ELMO2: variants seen among roughly 807,000 people sequenced by gnomAD.
ELMO2 encodes engulfment and cell motility 2.
In ELMO2, 37 loss-of-function variants were observed where a neutral mutation model predicts 96.2. The ratio of observed to expected loss-of-function variants is 0.38; its 90% confidence interval spans 0.30 to 0.51. The LOEUF (loss-of-function observed/expected upper bound fraction) is 0.51. ELMO2 is among the 20% of genes least tolerant of loss of function. ELMO2 has a pLI of 0.88. For synonymous variants in ELMO2, 315 were observed against 329.4 expected (o/e 0.96, Z 0.47); for missense variants, 561 against 912.6 (o/e 0.61, Z 4.96).
intron 1 of ELMO2, among the ~76,000 whole-genome samples, chr20:46,403,324 C>G (rs563028461): frequency 6.6e-6 from 1 of 152,188 alleles, no homozygotes; most frequent in African/African-American, 2.4e-5. Flanking sequence ...ATGATCAGTT[C>G]CAAAGCAGCA....
At chr20:46,391,728 A>G (rs2060153437) in intron 6 of ELMO2, among the ~76,000 whole-genome samples, 1 of 152,124 alleles carries the variant, frequency 6.6e-6, no homozygotes, top group Admixed American at 6.5e-5. Flanking sequence ...ATCTGAACAC[A>G]TTCTTAAGGG....
At chr20:46,383,528 T>C (rs777412057) in intron 9 of ELMO2, 34 bp from the exon 10 acceptor site, 26 of 1,548,890 alleles carry the variant, frequency 1.7e-5, no homozygotes, top group Non-Finnish European at 2.3e-5. Flanking sequence ...AGAGGGAGAT[T>C]AGAAGACTGA....
At chr20:46,372,003 C>G (rs1272536737) in intron 16 of ELMO2, 34 bp from the exon 17 acceptor site, 9 of 1,612,008 alleles carry the variant, frequency 5.6e-6, no homozygotes, top group Non-Finnish European at 7.6e-6. Context: ...ACTCACACCA[C>G]TACTCTTGAG....
intron 16 of ELMO2, 48 bp downstream of exon 16, chr20:46,373,351 T>G: frequency 6.2e-7 from 1 of 1,607,910 alleles, no homozygotes; most frequent in Non-Finnish European, 8.5e-7. Context: ...AAGGCTGTCG[T>G]GTGATGGTCT....
intron 15 of ELMO2, 91 bp from the exon 16 acceptor site, chr20:46,373,626 G>C (rs968911417): frequency 1.4e-5 from 22 of 1,540,698 alleles, no homozygotes; most frequent in Non-Finnish European, 1.8e-5. Context: ...AAAGTCCCGA[G>C]GAACAAAAGC....
chr20:46,367,432 G>C lies in ELMO2; in HGVS notation c.2091C>G (p.Ile697Met), dbSNP rs370400358. Residue 697 changes from isoleucine to methionine, a missense_variant, in exon 22 of 22, where the codon ATC becomes ATG. By Grantham distance (10) the Ile-to-Met change is conservative. Transcript: ENST00000290246. The part of the protein sequence containing the change: ...MKLRLLDLEN[I>M]QIPEAPPPIP... ...TGGGGGGTGGGGCTTCGGGAATCTG[G>C]ATGTTCTCCAGGTCCAGGAGCCGCA... is the stretch of plus-strand genomic sequence containing the variant. The C allele has an allele frequency of 4.3e-6, 7 of 1,613,038 alleles. No individual in the cohort carries two copies. The African/African-American group carries it at 9.4e-5, about 22-fold the overall frequency.
intron 1 of ELMO2, 30 bp from the exon 2 acceptor site, chr20:46,398,801 A>G (rs1218430893): frequency 1.3e-5 from 2 of 152,220 alleles, no homozygotes; most frequent in Non-Finnish European, 2.9e-5. Context: ...AAAAAAAATG[A>G]AGGGAGGGAA....
intron 3 of ELMO2, 48 bp downstream of exon 3, chr20:46,394,357 C>G: frequency 6.3e-7 from 1 of 1,596,056 alleles, no homozygotes; most frequent in Non-Finnish European, 8.6e-7. Context: ...GCCATGCACT[C>G]CCCAGGTGCC....
rs2145838862 is a variant in ELMO2, at chr20:46,393,079, G to T, written c.243+14C>A. The T allele has an allele frequency of 6.2e-7, 1 of 1,612,738 alleles. No individual in the cohort carries two copies. Among genetic ancestry groups the T allele is most frequent in the East Asian group, 2.2e-5 (1 of 44,872 alleles). On this transcript the variant is annotated intron_variant, in intron 6 of 21. Transcript: ENST00000290246. ...GTGACATGAATAAACTCCTAAGGAA[G>T]AAAGAATACCTACCGGGGAGATAGC...
At chr20:46,381,353 A>G (rs1448247144) in intron 10 of ELMO2, among the ~76,000 whole-genome samples, 1 of 152,190 alleles carries the variant, frequency 6.6e-6, no homozygotes, top group East Asian at 1.9e-4. Flanking sequence ...AGAGAATCCT[A>G]AATCAGTGGG....
intron 20 of ELMO2, 153 bp downstream of exon 20, chr20:46,370,290 G>T: frequency 1.3e-6 from 1 of 744,862 alleles, no homozygotes; most frequent in Non-Finnish European, 2.4e-6. Flanking sequence ...GTATACAGAG[G>T]TTCCATCTAT....
At chr20:46,402,307 G>A (rs1378837449) in intron 1 of ELMO2, among the ~76,000 whole-genome samples, 3 of 152,176 alleles carry the variant, frequency 2.0e-5, no homozygotes, top group Non-Finnish European at 4.4e-5. Context: ...GAATTCCACA[G>A]GAAAATTCCC....
intron 9 of ELMO2, among the ~76,000 whole-genome samples, chr20:46,384,919 G>A (rs2754499): frequency 0.8 from 121,999 of 152,092 alleles, 51,777 homozygotes; most frequent in Non-Finnish European, 0.93. Context: ...ATGCCACTGC[G>A]CTCCAGCTTG....
chr20:46,393,078 A>T lies in ELMO2; in HGVS notation c.243+15T>A. ...TGTGACATGAATAAACTCCTAAGGA[A>T]GAAAGAATACCTACCGGGGAGATAG... On this transcript the variant is annotated intron_variant, in intron 6 of 21. Coordinates refer to ENST00000290246, the MANE Select transcript of ELMO2 (RefSeq NM_133171.5). The T allele has an allele frequency of 3.7e-6, 6 of 1,612,732 alleles. No individual in the cohort carries two copies. Among genetic ancestry groups the T allele is most frequent in the Non-Finnish European group, 5.1e-6 (6 of 1,178,762 alleles).
chr20:46,401,375 T>G lies in ELMO2; in HGVS notation c.-125-2604A>C, dbSNP rs555825601. On this transcript the variant is annotated intron_variant, in intron 1 of 21. Coordinates refer to ENST00000290246, the MANE Select transcript of ELMO2 (RefSeq NM_133171.5). Reference sequence around the variant, plus strand: ...CAACAGCAGCTGAGGTTTCCCCTTTTTGTTGAAGTATGTTAGACACAGGAC... The same window carrying G: ...CAACAGCAGCTGAGGTTTCCCCTTTGTGTTGAAGTATGTTAGACACAGGAC... 5.3e-5 allele frequency among the ~76,000 whole-genome samples: 8 copies of G among 152,280 alleles called. No individual in the cohort carries two copies. In the East Asian group the frequency reaches 1.5e-3, roughly 29 times the overall value.
In ELMO2 at chr20:46,393,559, T is replaced by G. The variant is rs1216122276; in HGVS notation, c.162A>C (p.Ala54=). The part of the protein sequence containing the change: ...PNPEYYTLRY[A]DGPQLYITEQ... ...CGGTGATGTACAGCTGAGGACCATC[T>G]GCATAACGGAGGGTATAATACTCTG... The change falls in exon 5 of 22, where the codon GCA becomes GCC. Residue 54 remains alanine (A), a synonymous_variant. Coordinates refer to ENST00000290246, the MANE Select transcript of ELMO2 (RefSeq NM_133171.5). 6.2e-7 allele frequency: 1 copy of G among 1,614,044 alleles called. No individual in the cohort carries two copies. The highest frequency in any genetic ancestry group is 1.7e-5 in the Admixed American group (1 of 60,002).
chr20:46,382,389 C>G (rs2059972751), intron 10 of ELMO2: 3 of 629,054 alleles, frequency 4.8e-6, no homozygotes, highest in Non-Finnish European at 7.5e-6. Flanking sequence ...TCTGGTCTTC[C>G]CTCTAGAATC....
At chr20:46,390,117 C>T (rs910130627) in intron 6 of ELMO2, among the ~76,000 whole-genome samples, 1 of 152,064 alleles carries the variant, frequency 6.6e-6, no homozygotes, top group Non-Finnish European at 1.5e-5. Context: ...CATGCCACTG[C>T]ACTCCAGCCT....
intron 11 of ELMO2, chr20:46,380,006 A>G (rs1436582595): frequency 2.8e-6 from 1 of 356,304 alleles, no homozygotes; most frequent in African/African-American, 2.1e-5. Context: ...CAGGGCAACA[A>G]ACAGTAGAGC....
Sources: allele counts gnomAD v4.1 joint callset (sites outside exome capture counted in the v4.1 genomes callset), GRCh38; gene constraint gnomAD v4.1.1; transcripts MANE v1.5; gene names NCBI Gene and HGNC (gene_info 2026-07-23, HGNC 2026-07-21).